The following CDC42EP3 variants were observed in gnomAD, a reference collection of about 807,000 sequenced individuals.
The protein encoded by CDC42EP3 is CDC42 effector protein (Rho GTPase binding) 3.
A neutral mutation model predicts 15.5 loss-of-function variants in CDC42EP3; 4 were observed. The ratio of observed to expected loss-of-function variants is 0.26; its 90% CI spans 0.13 to 0.59. The LOEUF is 0.59. CDC42EP3 is among the 20% of genes least tolerant of loss of function. The pLI is 0.89. For synonymous variants in CDC42EP3, 145 were observed against 130.3 expected (o/e 1.11, Z -0.77); for missense variants, 309 against 311.2 (o/e 0.99, Z 0.05).
chr2:37,668,888 T>A (rs1440564555), intron 1 of CDC42EP3, among the ~76,000 whole-genome samples: 1 of 152,224 alleles, frequency 6.6e-6, no homozygotes, highest in Non-Finnish European at 1.5e-5. Context: ...AGGAAAATTC[T>A]TGGTCTTCTA....
intron 1 of CDC42EP3, among the ~76,000 whole-genome samples, chr2:37,670,791 GA>G (rs11326336): frequency 0.73 from 110,398 of 152,006 alleles, 41,114 homozygotes; most frequent in Non-Finnish European, 0.82. Flanking sequence ...AATTCATAAC[GA>G]AAAAATGGCC....
intron 1 of CDC42EP3, among the ~76,000 whole-genome samples, chr2:37,661,747 T>C (rs1666063884): frequency 6.6e-6 from 1 of 152,202 alleles, no homozygotes; most frequent in Admixed American, 6.5e-5. Flanking sequence ...GAATTAGTGA[T>C]GTATGAGAGA....
At position 37,646,815 on chromosome 2, in the gene CDC42EP3, G is replaced by T. The variant is rs918783787; in HGVS notation, c.-228C>A. 1.8e-5 allele frequency: 8 copies of T among 433,410 alleles called. No homozygotes were observed. The highest frequency in any genetic ancestry group is 3.4e-5 in the Non-Finnish European group (8 of 235,798). The allele number at this position is 433,410 out of a possible 1,614,324, so 26.8% of individuals were successfully genotyped here. Reference sequence around the variant, plus strand: ...CATCATCCAGTCTTGACCACAACCAGGACAAACCTGCAGAAGAAACCAAAG... The same window carrying T: ...CATCATCCAGTCTTGACCACAACCATGACAAACCTGCAGAAGAAACCAAAG... On this transcript the variant is annotated 5_prime_UTR_variant, in exon 2 of 2. It adds an upstream start codon to the 5' untranslated region. Coordinates refer to ENST00000295324, the MANE Select transcript of CDC42EP3 (RefSeq NM_006449.5).
chr2:37,670,440 T>C (rs1666371663), intron 1 of CDC42EP3, among the ~76,000 whole-genome samples: 1 of 151,440 alleles, frequency 6.6e-6, no homozygotes, highest in African/African-American at 2.4e-5. Context: ...GAAAGATTCA[T>C]GTTGCAATAC....
At chr2:37,657,479 C>G (rs957274969) in intron 1 of CDC42EP3, among the ~76,000 whole-genome samples, 1 of 152,144 alleles carries the variant, frequency 6.6e-6, no homozygotes, top group Non-Finnish European at 1.5e-5. Flanking sequence ...CATGAGTGTT[C>G]CTGTTGGGAA....
intron 1 of CDC42EP3, among the ~76,000 whole-genome samples, chr2:37,657,200 C>A (rs912150348): frequency 6.6e-6 from 1 of 152,148 alleles, no homozygotes; most frequent in African/African-American, 2.4e-5. Context: ...GTGTTCCCTA[C>A]ATGGAAAGCT....
chr2:37,648,085 TATATG>T (rs1665534220), intron 1 of CDC42EP3, among the ~76,000 whole-genome samples: 1 of 152,226 alleles, frequency 6.6e-6, no homozygotes, highest in East Asian at 1.9e-4. Context: ...CTGCACATAC[TATATG>T]ATAAGATTAG....
At chr2:37,657,087 T>C (rs753151998) in intron 1 of CDC42EP3, among the ~76,000 whole-genome samples, 13 of 145,302 alleles carry the variant, frequency 8.9e-5, no homozygotes, top group Non-Finnish European at 1.3e-4. Flanking sequence ...AGGAAGCCCA[T>C]TGCATGCGAC....
Position 37,645,585 on chromosome 2 carries a change from C to A in CDC42EP3, c.*238G>T. 2 of 380,180 alleles carry A rather than the reference C, an allele frequency of 5.3e-6. No individual in the cohort carries two copies. Among genetic ancestry groups the A allele is most frequent in the South Asian group, 1.3e-4 (2 of 15,936 alleles). 23.6% of individuals were successfully genotyped at this position (380,180 alleles called of 1,614,324 possible). A position where few individuals can be genotyped will look rare whatever the true frequency, so the allele number is the denominator to read the frequency against. On this transcript the variant is annotated 3_prime_UTR_variant, in exon 2 of 2. Coordinates refer to ENST00000295324, the MANE Select transcript of CDC42EP3 (RefSeq NM_006449.5). The stretch of plus-strand genomic sequence containing the variant: ...ATATGTGAGCCGAACATCACCAATG[C>A]CTCCTGAAAATGGGCTCTGACTCAC...
At chr2:37,664,000 C>T (rs1251782576) in intron 1 of CDC42EP3, among the ~76,000 whole-genome samples, 1 of 152,082 alleles carries the variant, frequency 6.6e-6, no homozygotes, top group Non-Finnish European at 1.5e-5. Context: ...CGGTGAAGCC[C>T]CGTCTCTATT....
intron 1 of CDC42EP3, among the ~76,000 whole-genome samples, chr2:37,669,443 C>T (rs1666340989): frequency 6.6e-6 from 1 of 152,138 alleles, no homozygotes; most frequent in Admixed American, 6.5e-5. Context: ...ACTGTTACGG[C>T]TTTGTATTTA....
At chr2:37,648,753 G>C (rs187618891) in intron 1 of CDC42EP3, among the ~76,000 whole-genome samples, 1 of 152,364 alleles carries the variant, frequency 6.6e-6, no homozygotes, top group African/African-American at 2.4e-5. Context: ...TGAAGCCCAT[G>C]TTCTTCCTGT....
chr2:37,665,989 A>AT (rs886260598), intron 1 of CDC42EP3, among the ~76,000 whole-genome samples: 2 of 152,148 alleles, frequency 1.3e-5, no homozygotes, highest in African/African-American at 4.8e-5. Context: ...CAGAATTGGT[A>AT]TTTTTTTAAT....
intron 1 of CDC42EP3, among the ~76,000 whole-genome samples, chr2:37,665,010 G>GACATGAGTTTACCTCCGTA (rs1666207107): frequency 6.6e-6 from 1 of 152,038 alleles, no homozygotes; most frequent in Non-Finnish European, 1.5e-5. Flanking sequence ...AAAACCCCGT[G>GACATGAGTTTACCTCCGTA]ACATGAGTTT....
Position 37,643,973 on chromosome 2 carries a change from A to ATTTTTTTTTTTTTTTTTTTTTTCTATT in CDC42EP3, c.*1849_*1850insAATAGAAAAAAAAAAAAAAAAAAAAAA, listed in dbSNP as rs10573780. On this transcript the variant is annotated 3_prime_UTR_variant, in exon 2 of 2. Transcript: ENST00000295324. ...TTAAACTTTCTTAAAACAGTCTGAG[A>ATTTTTTTTTTTTTTTTTTTTTTCTATT]TTTTTTTTTTTTTTTTTTTTTGCAA... 8.2e-6 allele frequency: 1 copy of ATTTTTTTTTTTTTTTTTTTTTTCTATT among 121,716 alleles called. No individual in the cohort carries two copies. The highest frequency in any genetic ancestry group is 2.8e-5 in the African/African-American group (1 of 35,182). 7.5% of individuals were successfully genotyped at this position (121,716 alleles called of 1,614,324 possible). A position where few individuals can be genotyped will look rare whatever the true frequency, so the allele number is the denominator to read the frequency against.
intron 1 of CDC42EP3, among the ~76,000 whole-genome samples, chr2:37,652,054 A>G (rs1665699308): frequency 2.6e-5 from 4 of 151,692 alleles, no homozygotes; most frequent in Admixed American, 2.6e-4. Context: ...AGGCGCCTGT[A>G]GTCCCAGCTA....
At chr2:37,654,246 GA>G (rs964438503) in intron 1 of CDC42EP3, among the ~76,000 whole-genome samples, 3 of 152,130 alleles carry the variant, frequency 2.0e-5, no homozygotes, top group African/African-American at 7.2e-5. Context: ...TCCACATTTA[GA>G]AGGGATAAAG....
chr2:37,652,174 CAAAAAAAAAAAAAAAA>C (rs61407687), intron 1 of CDC42EP3, among the ~76,000 whole-genome samples: 3 of 39,126 alleles, frequency 7.7e-5, no homozygotes, highest in South Asian at 1.5e-3. Flanking sequence ...GACTCCCTCT[CAAAAAAAAAAAAAAAA>C]AAAAAAAAAA....
At chr2:37,657,885 A>T (rs1665929734) in intron 1 of CDC42EP3, among the ~76,000 whole-genome samples, 1 of 152,170 alleles carries the variant, frequency 6.6e-6, no homozygotes, top group Admixed American at 6.5e-5. Flanking sequence ...CAACTCCCCA[A>T]AGCAAAGAAT....
Sources: allele counts gnomAD v4.1 joint callset (sites outside exome capture counted in the v4.1 genomes callset), GRCh38; gene constraint gnomAD v4.1.1; transcripts MANE v1.5; gene names NCBI Gene and HGNC (gene_info 2026-07-23, HGNC 2026-07-21).